IGSF11: variants seen among roughly 807,000 people sequenced by gnomAD.
The protein encoded by IGSF11 is immunoglobulin superfamily member 11.
A neutral mutation model predicts 41.0 loss-of-function variants in IGSF11; 22 were observed. The observed-to-expected ratio is 0.54, with a 90% CI of 0.38 to 0.77. The LOEUF (loss-of-function observed/expected upper bound fraction) is 0.77. IGSF11 is among the 30% of genes least tolerant of loss of function. The pLI, the probability that IGSF11 is intolerant of heterozygous loss-of-function variation, is 0.00. For missense variants in IGSF11, 444 were observed against 530.8 expected (o/e 0.84, Z 1.61); for synonymous variants, 219 against 201.3 (o/e 1.09, Z -0.74).
intron 1 of IGSF11, among the ~76,000 whole-genome samples, chr3:119,015,749 A>T (rs772494008): frequency 2.4e-5 from 2 of 84,050 alleles, no homozygotes; most frequent in Admixed American, 1.1e-4. Context: ...AATAAATGCT[A>T]AAAAAAAAAA....
chr3:119,045,450 G>A (rs6796813), intron 1 of IGSF11, among the ~76,000 whole-genome samples: 26,523 of 152,154 alleles, frequency 0.17, 2,811 homozygotes, highest in South Asian at 0.29. Context: ...CTTAAAAAAC[G>A]GCGCACCATG....
upstream of IGSF11, among the ~76,000 whole-genome samples, chr3:119,036,564 T>C (rs1940913027): frequency 6.6e-6 from 1 of 152,188 alleles, no homozygotes; most frequent in Non-Finnish European, 1.5e-5. Flanking sequence ...TTTAAATAAA[T>C]ATCCTTTAAA....
At chr3:118,996,209 C>T (rs1481771924) in intron 1 of IGSF11, among the ~76,000 whole-genome samples, 1 of 152,224 alleles carries the variant, frequency 6.6e-6, no homozygotes, top group East Asian at 1.9e-4. Context: ...TGCCCCTTGT[C>T]AAACCTGTTA....
At chr3:119,067,365 T>A (rs1441756925) in intron 1 of IGSF11, among the ~76,000 whole-genome samples, 1 of 152,192 alleles carries the variant, frequency 6.6e-6, no homozygotes, top group East Asian at 1.9e-4. Context: ...ATTCTTCAGT[T>A]CTAGCAAACT....
At chr3:119,054,279 A>G (rs1323287564) in intron 1 of IGSF11, among the ~76,000 whole-genome samples, 1 of 152,206 alleles carries the variant, frequency 6.6e-6, no homozygotes, top group Admixed American at 6.5e-5. Context: ...TTCACAAACT[A>G]TGTATCCAAC....
intron 1 of IGSF11, among the ~76,000 whole-genome samples, chr3:119,063,883 A>G (rs1179716794): frequency 1.3e-5 from 2 of 152,216 alleles, no homozygotes; most frequent in African/African-American, 4.8e-5. Context: ...TTGCTCTGTA[A>G]TATGTAGTAG....
chr3:118,957,466 T>C (rs1377023781), intron 1 of IGSF11, among the ~76,000 whole-genome samples: 1 of 152,206 alleles, frequency 6.6e-6, no homozygotes, highest in East Asian at 1.9e-4. Flanking sequence ...TTCTGGCAAA[T>C]TGTGTCTTTT....
exon 1 of IGSF11, chr3:119,105,181 C>T (rs1365551372): frequency 1.2e-6 from 2 of 1,606,146 alleles, no homozygotes; most frequent in Non-Finnish European, 8.5e-7. Flanking sequence ...GCAAAAGTTC[C>T]ACCAGAGACA....
upstream of IGSF11, among the ~76,000 whole-genome samples, chr3:119,039,355 T>C (rs1332020795): frequency 6.6e-6 from 1 of 152,194 alleles, no homozygotes; most frequent in Non-Finnish European, 1.5e-5. Context: ...CCTTGGCTCA[T>C]GGTCCCCTTC....
chr3:119,137,490 A>G (rs1471054480), intron 1 of IGSF11, among the ~76,000 whole-genome samples: 1 of 152,208 alleles, frequency 6.6e-6, no homozygotes, highest in Admixed American at 6.5e-5. Context: ...TCTTCAATAA[A>G]TGATGCAGGG....
chr3:118,932,789 T>C (rs1942961420), intron 1 of IGSF11, among the ~76,000 whole-genome samples: 1 of 152,240 alleles, frequency 6.6e-6, no homozygotes, highest in African/African-American at 2.4e-5. Context: ...CCTCCATCAC[T>C]GCCTTCTTGA....
At chr3:119,117,533 TCC>T (rs2107526754) in intron 1 of IGSF11, among the ~76,000 whole-genome samples, 1 of 152,168 alleles carries the variant, frequency 6.6e-6, no homozygotes, top group Non-Finnish European at 1.5e-5. Flanking sequence ...TCCTACCAGG[TCC>T]CTCCCACGAC....
rs187247098 is a variant in IGSF11, at chr3:118,969,977, C to T, written c.53-39702G>A. On this transcript the variant is annotated intron_variant, in intron 1 of 6. Coordinates refer to ENST00000393775, the MANE Select transcript of IGSF11 (RefSeq NM_001015887.3). The stretch of plus-strand genomic sequence containing the variant: ...TGTTGGCTACATCCATGTCCCTCTG[C>T]GCATACAGGTATCTCCTCATCACCC... 2.5e-3 allele frequency among the ~76,000 whole-genome samples: 376 copies of T among 150,126 alleles called. 1 individual carries two copies. Among genetic ancestry groups the T allele is most frequent in the Non-Finnish European group, 1.5e-3 (102 of 68,012 alleles).
At chr3:118,908,715 C>T (rs1044293143) in intron 4 of IGSF11, among the ~76,000 whole-genome samples, 4 of 152,202 alleles carry the variant, frequency 2.6e-5, no homozygotes, top group Non-Finnish European at 5.9e-5. Flanking sequence ...TCACCAGCTA[C>T]GTATCTGGCA....
intron 1 of IGSF11, among the ~76,000 whole-genome samples, chr3:118,956,518 A>G (rs1441466174): frequency 6.6e-6 from 1 of 152,184 alleles, no homozygotes; most frequent in East Asian, 1.9e-4. Context: ...GCCTAATTTC[A>G]ATATTGTTTT....
intron 1 of IGSF11, among the ~76,000 whole-genome samples, chr3:118,958,437 G>A (rs1040331476): frequency 2.6e-5 from 4 of 152,010 alleles, no homozygotes; most frequent in African/African-American, 9.7e-5. Flanking sequence ...TCCTTATCAC[G>A]CTGTATTCAG....
intron 1 of IGSF11, 70 bp from the exon 2 acceptor site, chr3:118,930,345 T>C (rs188600538): frequency 1.4e-6 from 2 of 1,447,206 alleles, no homozygotes; most frequent in Non-Finnish European, 1.9e-6. Context: ...TCAGGAAGGT[T>C]TGCGTGTTTT....
At chr3:118,908,393 G>T (rs1302316499) in intron 4 of IGSF11, among the ~76,000 whole-genome samples, 1 of 152,112 alleles carries the variant, frequency 6.6e-6, no homozygotes, top group African/African-American at 2.4e-5. Context: ...GATAACAGAA[G>T]ATTAACCAGA....
intron 1 of IGSF11, among the ~76,000 whole-genome samples, chr3:119,093,418 T>G (rs1161487155): frequency 6.8e-6 from 1 of 147,394 alleles, no homozygotes; most frequent in South Asian, 2.2e-4. Flanking sequence ...TTTTTTTTTT[T>G]AAACCTGACC....
Sources: gnomAD v4.1 joint callset for allele counts (sites outside exome capture counted in the v4.1 genomes callset) on GRCh38, gnomAD v4.1.1 for gene constraint, MANE v1.5 for transcripts, NCBI Gene and HGNC (gene_info 2026-07-23, HGNC 2026-07-21) for gene names.